UBE2E2: variants seen among roughly 807,000 people sequenced by gnomAD.
The protein encoded by UBE2E2 is ubiquitin-conjugating enzyme E2 E2.
UBE2E2 carries 6 observed loss-of-function variants against 24.7 expected under a neutral mutation model. That is an observed-to-expected ratio of 0.24 (90% CI 0.13 to 0.48). The LOEUF (loss-of-function observed/expected upper bound fraction) is 0.48. Ranked by LOEUF, UBE2E2 falls within the 20% of genes least tolerant of loss-of-function variation. The pLI, the probability that UBE2E2 is intolerant of heterozygous loss-of-function variation, is 0.99. For missense variants in UBE2E2, 169 were observed against 245.0 expected, an observed-to-expected ratio of 0.69 and a Z score of 2.07; for synonymous variants, 104 against 83.6, an observed-to-expected ratio of 1.24 and a Z score of -1.33.
chr3:23,468,045 G>C (rs1698960441), intron 3 of UBE2E2, among the ~76,000 whole-genome samples: 2 of 152,182 alleles, frequency 1.3e-5, no homozygotes, highest in South Asian at 4.1e-4. Context: ...AATTAAACAT[G>C]ACATTTGGGT....
rs1698931232 is a variant in UBE2E2, at chr3:23,466,903, A to G, written c.228-32705A>G. ...TTATTTCCTTATTTTTCTTATAATG[A>G]CATATTCATTATTTGCCAGCTCCTT... On this transcript the variant is annotated intron_variant, in intron 3 of 5. Coordinates refer to ENST00000396703, the MANE Select transcript of UBE2E2 (RefSeq NM_152653.4). Among the ~76,000 whole-genome samples, 2 of 152,154 alleles carry G rather than the reference A, an allele frequency of 1.3e-5. 1 individual carries two copies. Among genetic ancestry groups the G allele is most frequent in the South Asian group, 4.1e-4 (2 of 4,834 alleles).
chr3:23,203,491 T>G (rs1696025588), intron 1 of UBE2E2, 27 bp downstream of exon 1: 3 of 946,938 alleles, frequency 3.2e-6, no homozygotes, highest in Non-Finnish European at 2.4e-6. Flanking sequence ...CGCCGGTGCC[T>G]CCCCTCCTCG....
chr3:23,580,275 G>A (rs546253991), intron 5 of UBE2E2, among the ~76,000 whole-genome samples: 41 of 152,338 alleles, frequency 2.7e-4, no homozygotes, highest in Non-Finnish European at 5.1e-4. Flanking sequence ...ACTCTTTCCT[G>A]AAAGGGAGAG....
chr3:23,229,864 T>C (rs537487550), intron 3 of UBE2E2, among the ~76,000 whole-genome samples: 1 of 152,334 alleles, frequency 6.6e-6, no homozygotes, highest in Admixed American at 6.5e-5. Flanking sequence ...GATACCAATA[T>C]GTGACTTGAG....
chr3:23,277,462 C>T (rs969348246), intron 3 of UBE2E2, among the ~76,000 whole-genome samples: 2 of 152,082 alleles, frequency 1.3e-5, no homozygotes, highest in Non-Finnish European at 2.9e-5. Context: ...GTGTAAACCT[C>T]ATAGACTATC....
At chr3:23,506,800 A>G (rs1309649356) in intron 4 of UBE2E2, among the ~76,000 whole-genome samples, 1 of 151,986 alleles carries the variant, frequency 6.6e-6, no homozygotes, top group Admixed American at 6.6e-5. Flanking sequence ...TGCCCGGCTA[A>G]TTTTGTATTT....
chr3:23,238,258 T>C (rs543312413), intron 3 of UBE2E2, among the ~76,000 whole-genome samples: 1 of 152,270 alleles, frequency 6.6e-6, no homozygotes, highest in South Asian at 2.1e-4. Context: ...AGCACTTTCA[T>C]CTCCTTAGTG....
rs140639288 is a variant in UBE2E2, at chr3:23,455,261, C to T, written c.228-44347C>T. On this transcript the variant is annotated intron_variant, in intron 3 of 5. Transcript: ENST00000396703. ...AGGAACCTCAGAGATACTGCAGGTTCGGCTCGAGACCACAGCAATAAAGCA... is the reference window on the plus strand; with the variant it reads ...AGGAACCTCAGAGATACTGCAGGTTTGGCTCGAGACCACAGCAATAAAGCA... 6.0e-4 allele frequency among the ~76,000 whole-genome samples: 91 copies of T among 152,318 alleles called. 3 individuals are homozygous for T. The East Asian group carries it at 0.015, about 25-fold the overall frequency.
At chr3:23,502,780 C>T (rs575922331) in intron 4 of UBE2E2, among the ~76,000 whole-genome samples, 13 of 152,158 alleles carry the variant, frequency 8.5e-5, no homozygotes, top group Non-Finnish European at 1.6e-4. Context: ...TGCTATATTT[C>T]AGTACAATTT....
intron 3 of UBE2E2, among the ~76,000 whole-genome samples, chr3:23,368,482 A>C (rs1696316635): frequency 2.0e-5 from 3 of 152,168 alleles, no homozygotes; most frequent in Admixed American, 2.0e-4. Context: ...TTTCCAAAAC[A>C]CTATGTCTTT....
chr3:23,581,892 G>C (rs1290738607), intron 5 of UBE2E2, among the ~76,000 whole-genome samples: 2 of 152,076 alleles, frequency 1.3e-5, no homozygotes, highest in African/African-American at 4.8e-5. Context: ...TTACCACTTA[G>C]CTGCTGCTTA....
intron 3 of UBE2E2, among the ~76,000 whole-genome samples, chr3:23,278,617 A>T (rs978846286): frequency 2.0e-4 from 30 of 152,100 alleles, no homozygotes; most frequent in African/African-American, 7.2e-4. Flanking sequence ...TATATCTGGG[A>T]TATGTTGTGG....
At chr3:23,384,779 G>A (rs1213642509) in intron 3 of UBE2E2, among the ~76,000 whole-genome samples, 3 of 151,378 alleles carry the variant, frequency 2.0e-5, no homozygotes, top group Non-Finnish European at 2.9e-5. Flanking sequence ...CTGACCTCGT[G>A]ATCCGCCCAC....
intron 5 of UBE2E2, among the ~76,000 whole-genome samples, chr3:23,551,303 A>T (rs116331972): frequency 0.015 from 2,305 of 152,330 alleles, 68 homozygotes; most frequent in African/African-American, 0.052. Context: ...GTTAATTACT[A>T]AAGCATTATA....
At chr3:23,465,922 A>G (rs549368698) in intron 3 of UBE2E2, among the ~76,000 whole-genome samples, 9 of 152,286 alleles carry the variant, frequency 5.9e-5, no homozygotes, top group Middle Eastern at 3.4e-3. Context: ...CCTGAGAGCA[A>G]TAGTCTGCAT....
intron 3 of UBE2E2, among the ~76,000 whole-genome samples, chr3:23,376,599 A>T (rs947047831): frequency 1.3e-5 from 2 of 152,214 alleles, no homozygotes; most frequent in African/African-American, 2.4e-5. Context: ...GGTCAAGCCT[A>T]TAGAGAAACT....
Position 23,530,638 on chromosome 3 carries a change from C to A in UBE2E2, c.361-1916C>A, listed in dbSNP as rs528543272. ...ATTTCTCTTCTCATTCTAGAGCCCACGCTTTCTTTGGTAAGTTTCTTTGCT... is the reference window on the plus strand; with the variant it reads ...ATTTCTCTTCTCATTCTAGAGCCCAAGCTTTCTTTGGTAAGTTTCTTTGCT... On this transcript the variant is annotated intron_variant, in intron 4 of 5. Coordinates refer to ENST00000396703, the MANE Select transcript of UBE2E2 (RefSeq NM_152653.4). Among the ~76,000 whole-genome samples the A allele has an allele frequency of 1.7e-4, 26 of 152,274 alleles. No homozygotes were observed. In the South Asian group the frequency reaches 4.4e-3, roughly 26 times the overall value.
chr3:23,461,196 G>A (rs993117958), intron 3 of UBE2E2, among the ~76,000 whole-genome samples: 4 of 151,954 alleles, frequency 2.6e-5, no homozygotes, highest in African/African-American at 7.3e-5. Flanking sequence ...AGAAAGTCTC[G>A]GTGACCTCAT....
chr3:23,556,454 T>TAAAAAAAAAAAAAAAAAAAAAAAAAAAA (rs5847239), intron 5 of UBE2E2, among the ~76,000 whole-genome samples: 6 of 94,328 alleles, frequency 6.4e-5, no homozygotes, highest in African/African-American at 1.4e-4. Flanking sequence ...AAAATTTATT[T>TAAAAAAAAAAAAAAAAAAAAAAAAAAAA]AAAAAAAAAA....
Sources: gnomAD v4.1 joint callset for allele counts (sites outside exome capture counted in the v4.1 genomes callset) on GRCh38, gnomAD v4.1.1 for gene constraint, MANE v1.5 for transcripts, NCBI Gene and HGNC (gene_info 2026-07-23, HGNC 2026-07-21) for gene names.